MBIP: variants seen among roughly 807,000 people sequenced by gnomAD.
The protein encoded by MBIP is MAP3K12 binding inhibitory protein 1.
MBIP carries 32 observed loss-of-function variants against 45.7 expected under a neutral mutation model. That is an observed-to-expected ratio of 0.70 (90% CI 0.53 to 0.94). MBIP has a LOEUF of 0.94. Among genes scored for constraint, MBIP ranks in the 40% least tolerant of loss-of-function variants. The pLI is 0.00. For missense variants in MBIP, 381 were observed against 405.5 expected (o/e 0.94, Z 0.52); for synonymous variants, 145 against 141.0 (o/e 1.03, Z -0.20).
chr14:36,313,575 C>A (rs1366319879), intron 4 of MBIP: 3 of 152,032 alleles, frequency 2.0e-5, no homozygotes, highest in African/African-American at 7.2e-5. Context: ...CATTGTTGCA[C>A]CTGTTCTGAA....
intron 2 of MBIP, 138 bp from the exon 3 acceptor site, chr14:36,315,053 G>A (rs1880484835): frequency 1.6e-6 from 1 of 614,426 alleles, no homozygotes; most frequent in Non-Finnish European, 2.9e-6. Context: ...TGGTATACCA[G>A]GACACATAGA....
Position 36,299,130 on chromosome 14 carries a change from T to C in MBIP, c.988A>G (p.Arg330Gly). 1 of 1,613,866 alleles carries C rather than the reference T, an allele frequency of 6.2e-7. No homozygotes were observed. Reference protein sequence around the residue: ...KISALKQALLRKSREAESMAT... With the variant: ...KISALKQALLGKSREAESMAT... Reference sequence around the variant, plus strand: ...ATGGATTCTGCTTCTCTTGATTTTCTGAGGAGGGCTTGTTTGAGGGCACTA... The same window carrying C: ...ATGGATTCTGCTTCTCTTGATTTTCCGAGGAGGGCTTGTTTGAGGGCACTA... Residue 330 changes from arginine to glycine, a missense_variant, in exon 9 of 9, where the codon AGA (arginine) becomes GGA (glycine). Arg to Gly is a moderately radical substitution (Grantham distance 125, BLOSUM62 -2). Coordinates refer to ENST00000416007, the MANE Select transcript of MBIP (RefSeq NM_016586.3).
intron 2 of MBIP, among the ~76,000 whole-genome samples, chr14:36,315,527 T>C (rs1880513623): frequency 6.6e-6 from 1 of 151,878 alleles, no homozygotes; most frequent in Admixed American, 6.6e-5. Context: ...TAAAATTAAA[T>C]TTTAAAAAAG....
intron 7 of MBIP, among the ~76,000 whole-genome samples, chr14:36,307,658 G>A (rs1199618413): frequency 1.3e-5 from 2 of 152,188 alleles, no homozygotes; most frequent in Non-Finnish European, 2.9e-5. Flanking sequence ...GCAGCTTGAG[G>A]TGTGTGTTTG....
chr14:36,306,905 T>C (rs1233255623), intron 7 of MBIP, among the ~76,000 whole-genome samples: 1 of 152,212 alleles, frequency 6.6e-6, no homozygotes, highest in African/African-American at 2.4e-5. Context: ...AACCAATACA[T>C]TTTCTAAAAT....
chr14:36,316,521 C>A (rs1369083826), intron 2 of MBIP, among the ~76,000 whole-genome samples, 172 bp downstream of exon 2: 1 of 152,172 alleles, frequency 6.6e-6, no homozygotes, highest in Non-Finnish European at 1.5e-5. Flanking sequence ...ATTCCCTTAA[C>A]TGTCCTGATC....
chr14:36,303,397 T>C (rs1261025881), intron 7 of MBIP, among the ~76,000 whole-genome samples: 1 of 152,182 alleles, frequency 6.6e-6, no homozygotes, highest in Non-Finnish European at 1.5e-5. Context: ...AATGTGTTAA[T>C]TTTGTCATTG....
intron 1 of MBIP, among the ~76,000 whole-genome samples, chr14:36,318,780 A>C (rs1156544331): frequency 1.3e-5 from 2 of 152,012 alleles, no homozygotes; most frequent in Admixed American, 1.3e-4. Flanking sequence ...CACAGGATGA[A>C]GTTAGGCATG....
intron 7 of MBIP, among the ~76,000 whole-genome samples, chr14:36,304,484 G>A (rs554347358): frequency 5.4e-4 from 82 of 152,302 alleles, no homozygotes; most frequent in Non-Finnish European, 1.0e-3. Context: ...GGTACTTACT[G>A]TTTTCAAGTA....
Position 36,300,841 on chromosome 14 carries a change from AGGT to A in MBIP, c.889-21_889-19del. 2 of 1,396,092 alleles carry A rather than the reference AGGT, an allele frequency of 1.4e-6. No individual in the cohort carries two copies. Among genetic ancestry groups the A allele is most frequent in the Non-Finnish European group, 2.0e-6 (2 of 1,012,748 alleles). 86.5% of individuals were successfully genotyped at this position (1,396,092 alleles called of 1,614,324 possible). A position where few individuals can be genotyped will look rare whatever the true frequency, so the allele number is the denominator to read the frequency against. On this transcript the variant is annotated intron_variant, in intron 7 of 8. Coordinates refer to ENST00000416007, the MANE Select transcript of MBIP (RefSeq NM_016586.3). ...GAAAAGCTCTAGATTAAAAAAAAAA[AGGT>A]AATGTTTAGAAAAATCTAAGCATCA...
intron 4 of MBIP, 28 bp from the exon 5 acceptor site, chr14:36,312,052 T>A (rs1880246094): frequency 7.7e-7 from 1 of 1,304,782 alleles, no homozygotes; most frequent in African/African-American, 1.5e-5. Flanking sequence ...AAATATAAGT[T>A]TAAATATATT....
intron 6 of MBIP, among the ~76,000 whole-genome samples, chr14:36,310,634 A>C (rs1880143680): frequency 1.3e-5 from 2 of 152,242 alleles, no homozygotes. Context: ...AGCAGGAGAC[A>C]GACATTAAAC....
intron 6 of MBIP, among the ~76,000 whole-genome samples, chr14:36,309,635 A>T (rs1236921480): frequency 1.3e-5 from 2 of 152,230 alleles, no homozygotes; most frequent in African/African-American, 4.8e-5. Flanking sequence ...GTTCTTAAAT[A>T]AGTTAACTTG....
chr14:36,306,943 AGT>A (rs892128437), intron 7 of MBIP, among the ~76,000 whole-genome samples: 1 of 152,234 alleles, frequency 6.6e-6, no homozygotes, highest in African/African-American at 2.4e-5. Flanking sequence ...AGAGGAATAG[AGT>A]GACTTTTCCA....
At chr14:36,302,996 G>A (rs1362757042) in intron 7 of MBIP, among the ~76,000 whole-genome samples, 3 of 152,178 alleles carry the variant, frequency 2.0e-5, no homozygotes, top group Non-Finnish European at 4.4e-5. Flanking sequence ...CAGCCATGGG[G>A]TATGAGGGTA....
At chr14:36,311,284 T>C (rs1326777347) in intron 6 of MBIP, among the ~76,000 whole-genome samples, 1 of 152,024 alleles carries the variant, frequency 6.6e-6, no homozygotes, top group Admixed American at 6.6e-5. Flanking sequence ...GACTGGACTA[T>C]CTCTTTTTTC....
chr14:36,298,867 G>A lies in MBIP; in HGVS notation c.*216C>T, dbSNP rs1172025431. On this transcript the variant is annotated 3_prime_UTR_variant, in exon 9 of 9. Coordinates refer to ENST00000416007, the MANE Select transcript of MBIP (RefSeq NM_016586.3). ...AAAATACCTCCTTTAAAACAGAAGGGAATAAATTCCAACAATGCTATTTTC... is the reference window on the plus strand; with the variant it reads ...AAAATACCTCCTTTAAAACAGAAGGAAATAAATTCCAACAATGCTATTTTC... 3 of 394,158 alleles carry A rather than the reference G, an allele frequency of 7.6e-6. No individual in the cohort carries two copies. The East Asian group carries it at 1.2e-4, about 16-fold the overall frequency. The allele number at this position is 394,158 out of a possible 1,614,324, so 24.4% of individuals were successfully genotyped here.
chr14:36,311,840 AG>A (rs1880231570), intron 5 of MBIP, 115 bp from the exon 6 acceptor site: 1 of 1,158,348 alleles, frequency 8.6e-7, no homozygotes, highest in African/African-American at 1.6e-5. Context: ...ACAAGTATGA[AG>A]GACGGCAAGA....
At position 36,298,951 on chromosome 14, in the gene MBIP, GACTCAT is replaced by G; in HGVS notation, c.*126_*131del. The G allele has an allele frequency of 1.7e-6, 1 of 573,024 alleles. No homozygotes were observed. The highest frequency in any genetic ancestry group is 3.1e-6 in the Non-Finnish European group (1 of 324,712). 35.5% of individuals were successfully genotyped at this position (573,024 alleles called of 1,614,324 possible). On this transcript the variant is annotated 3_prime_UTR_variant, in exon 9 of 9. Coordinates refer to ENST00000416007, the MANE Select transcript of MBIP (RefSeq NM_016586.3). Reference sequence around the variant, plus strand: ...TTTGAAGATTACTTGCTGCAAGCTGGACTCATGTGAAAATAAACCTTGACTTCACAG... The same window carrying G: ...TTTGAAGATTACTTGCTGCAAGCTGGGTGAAAATAAACCTTGACTTCACAG...
Sources: allele counts gnomAD v4.1 joint callset (sites outside exome capture counted in the v4.1 genomes callset), GRCh38; gene constraint gnomAD v4.1.1; transcripts MANE v1.5; gene names NCBI Gene and HGNC (gene_info 2026-07-23, HGNC 2026-07-21).